Variants in MTBP observed in about 807,000 individuals in gnomAD.
MTBP encodes mdm2-binding protein.
A neutral mutation model predicts 117.0 loss-of-function variants in MTBP; 101 were observed. The observed-to-expected ratio is 0.86, with a 90% confidence interval of 0.73 to 1.02. MTBP has a LOEUF of 1.02. Among genes scored for constraint, MTBP ranks in the 50% least tolerant of loss-of-function variants. The probability of loss-of-function intolerance (pLI) is 0.00; values close to 1 mark genes in which losing one functional copy is unlikely to be tolerated. For missense variants in MTBP, 970 were observed against 1,030.9 expected (o/e 0.94, Z 0.81); for synonymous variants, 350 against 351.5 (o/e 1.00, Z 0.05).
intron 17 of MTBP, among the ~76,000 whole-genome samples, chr8:120,512,113 T>G (rs371391714): frequency 6.6e-6 from 1 of 152,126 alleles, no homozygotes; most frequent in East Asian, 1.9e-4. Context: ...AATTAAAAAT[T>G]TTAGGTATTT....
At chr8:120,486,775 T>G (rs1814227683) in intron 11 of MTBP, among the ~76,000 whole-genome samples, 1 of 152,188 alleles carries the variant, frequency 6.6e-6, no homozygotes, top group Non-Finnish European at 1.5e-5. Context: ...TTCGGACTCT[T>G]AAAAACTAAG....
intron 1 of MTBP, among the ~76,000 whole-genome samples, 184 bp from the exon 2 acceptor site, chr8:120,446,249 G>C (rs531717230): frequency 6.6e-6 from 1 of 152,292 alleles, no homozygotes; most frequent in Non-Finnish European, 1.5e-5. Flanking sequence ...TACAGATCGG[G>C]AGCCTTTTCT....
intron 11 of MTBP, among the ~76,000 whole-genome samples, chr8:120,474,744 T>C (rs961812542): frequency 6.6e-6 from 1 of 152,044 alleles, no homozygotes; most frequent in Non-Finnish European, 1.5e-5. Context: ...GGTACTGTTA[T>C]CTTGGGATTA....
chr8:120,454,814 T>A (rs1268860988), intron 5 of MTBP, among the ~76,000 whole-genome samples: 4 of 152,098 alleles, frequency 2.6e-5, no homozygotes, highest in South Asian at 2.1e-4. Context: ...AATACTTTCA[T>A]TATCAAATTT....
At chr8:120,483,397 A>G (rs999647791) in intron 11 of MTBP, among the ~76,000 whole-genome samples, 2 of 152,110 alleles carry the variant, frequency 1.3e-5, no homozygotes, top group African/African-American at 4.8e-5. Context: ...CTTTATGAAC[A>G]TATATAATAA....
intron 7 of MTBP, 121 bp downstream of exon 7, chr8:120,456,791 A>T: frequency 1.5e-6 from 1 of 663,676 alleles, no homozygotes; most frequent in East Asian, 2.7e-5. Context: ...CACTAAGTAG[A>T]ACTTTCTGCA....
At chr8:120,478,646 T>C (rs181843872) in intron 11 of MTBP, among the ~76,000 whole-genome samples, 1 of 152,342 alleles carries the variant, frequency 6.6e-6, no homozygotes, top group East Asian at 1.9e-4. Flanking sequence ...ATTCTTCTAA[T>C]AAAAATATTT....
At chr8:120,446,546 CA>C in intron 2 of MTBP, 33 bp downstream of exon 2, 1 of 1,238,594 alleles carries the variant, frequency 8.1e-7, no homozygotes, top group Non-Finnish European at 1.2e-6. Flanking sequence ...TTCTCTGGCA[CA>C]GCATTTGTAC....
intron 11 of MTBP, among the ~76,000 whole-genome samples, chr8:120,485,297 T>A (rs1156964861): frequency 1.3e-5 from 2 of 152,218 alleles, no homozygotes; most frequent in African/African-American, 4.8e-5. Flanking sequence ...AGAGTATTTT[T>A]AAATTTCCAT....
intron 9 of MTBP, among the ~76,000 whole-genome samples, chr8:120,463,199 G>A (rs1324018870): frequency 6.6e-6 from 1 of 152,128 alleles, no homozygotes; most frequent in Non-Finnish European, 1.5e-5. Context: ...CCATCAGCAT[G>A]AAGAAACCTA....
At chr8:120,480,073 A>G (rs956176383) in intron 11 of MTBP, among the ~76,000 whole-genome samples, 3 of 152,168 alleles carry the variant, frequency 2.0e-5, no homozygotes, top group Non-Finnish European at 4.4e-5. Flanking sequence ...AAGTAAATGG[A>G]GAGATGTACC....
intron 11 of MTBP, among the ~76,000 whole-genome samples, chr8:120,482,931 C>A (rs1814121721): frequency 6.6e-6 from 1 of 151,760 alleles, no homozygotes; most frequent in South Asian, 2.1e-4. Context: ...GATCTCCTGA[C>A]CTCGTGATCC....
At chr8:120,493,868 A>G (rs1179586727) in intron 13 of MTBP, among the ~76,000 whole-genome samples, 1 of 152,222 alleles carries the variant, frequency 6.6e-6, no homozygotes, top group Non-Finnish European at 1.5e-5. Flanking sequence ...CATCTTCCAG[A>G]TAAAACCAAA....
At chr8:120,505,192 T>C (rs1563803030) in intron 15 of MTBP, among the ~76,000 whole-genome samples, 2 of 152,044 alleles carry the variant, frequency 1.3e-5, no homozygotes, top group Admixed American at 1.3e-4. Context: ...TTTCCATAGG[T>C]TTAGTCCTGT....
chr8:120,488,297 G>T lies in MTBP; in HGVS notation c.1304G>T (p.Gly435Val). The T allele has an allele frequency of 1.3e-6, 2 of 1,564,066 alleles. No homozygotes were observed. The highest frequency in any genetic ancestry group is 2.4e-5 in the East Asian group (1 of 41,874). Residue 435 changes from glycine to valine, a missense_variant, in exon 12 of 22, where the codon GGA (glycine) becomes GTA (valine). Gly to Val is a moderately radical substitution (Grantham distance 109, BLOSUM62 -3). Transcript: ENST00000305949. ...TCATTTGCACTCAATTTAATTCATG[G>T]AAAGATGAAAACAAAGACAGAAGAA... is the stretch of plus-strand genomic sequence containing the variant. Reference protein sequence around the residue: ...NGSFALNLIHGKMKTKTEEAK... With the variant: ...NGSFALNLIHVKMKTKTEEAK...
In MTBP at chr8:120,523,307, TG is replaced by T; in HGVS notation, c.2689del (p.Val897TyrfsTer2). The T allele has an allele frequency of 6.4e-7, 1 of 1,555,748 alleles. No homozygotes were observed. The highest frequency in any genetic ancestry group is 1.8e-5 in the Admixed American group (1 of 55,164). Reference protein sequence around the residue: ...ANNNAVQVIDWVLEKTSKK With the variant: ...ANNNAVQVIDXVLEKTSKK ...TTTTTTCTCCCCCTAGGTGATTGAC[TG>T]GGTATTAGAAAAGACAAGCAAGAAA... is the stretch of plus-strand genomic sequence containing the variant. On this transcript the variant is annotated frameshift_variant, in exon 22 of 22. Coordinates refer to ENST00000305949, the MANE Select transcript of MTBP (RefSeq NM_022045.5). LOFTEE classifies it high-confidence loss of function.
Position 120,518,835 on chromosome 8 carries a change from C to T in MTBP, c.2610+18C>T. On this transcript the variant is annotated intron_variant, in intron 20 of 21. Transcript: ENST00000305949. ...ATCTAAAGGTACGGTATCTTCTCTACTAATGGCAAAATTTAGTTCATGTTC... is the reference window on the plus strand; with the variant it reads ...ATCTAAAGGTACGGTATCTTCTCTATTAATGGCAAAATTTAGTTCATGTTC... The T allele has an allele frequency of 6.5e-7, 1 of 1,532,456 alleles. No homozygotes were observed. Among genetic ancestry groups the T allele is most frequent in the Non-Finnish European group, 8.9e-7 (1 of 1,122,198 alleles). The allele number at this position is 1,532,456 out of a possible 1,614,324, so 94.9% of individuals were successfully genotyped here.
chr8:120,490,415 G>A (rs1364501523), intron 12 of MTBP, 48 bp from the exon 13 acceptor site: 7 of 1,188,018 alleles, frequency 5.9e-6, no homozygotes, highest in Non-Finnish European at 8.6e-6. Context: ...ACTAATTGTT[G>A]GCAAAGGGCA....
At chr8:120,486,249 C>A (rs1048161929) in intron 11 of MTBP, among the ~76,000 whole-genome samples, 1 of 152,224 alleles carries the variant, frequency 6.6e-6, no homozygotes, top group Middle Eastern at 3.4e-3. Flanking sequence ...GTTTTTGAGA[C>A]CACCTTTAGG....
Sources: gnomAD v4.1 joint callset for allele counts (sites outside exome capture counted in the v4.1 genomes callset) on GRCh38, gnomAD v4.1.1 for gene constraint, MANE v1.5 for transcripts, NCBI Gene and HGNC (gene_info 2026-07-23, HGNC 2026-07-21) for gene names.